Variants in EIF3H observed in about 807,000 individuals in gnomAD.
EIF3H encodes eIF-3-gamma.
EIF3H carries 26 observed loss-of-function variants against 44.2 expected under a neutral mutation model. The observed-to-expected ratio is 0.59, with a 90% CI of 0.43 to 0.82. The LOEUF is 0.82. Among genes scored for constraint, EIF3H ranks in the 40% least tolerant of loss-of-function variants. EIF3H has a pLI of 0.00. For synonymous variants in EIF3H, 166 were observed against 151.9 expected (o/e 1.09, Z -0.68); for missense variants, 359 against 432.8 (o/e 0.83, Z 1.51).
chr8:116,686,062 A>G (rs1437919440), intron 2 of EIF3H, among the ~76,000 whole-genome samples: 2 of 152,176 alleles, frequency 1.3e-5, no homozygotes, highest in African/African-American at 4.8e-5. Context: ...TTAATACAAT[A>G]AACTTTACTG....
chr8:116,682,431 GCAATGTTGTAGA>G (rs1451376546), intron 2 of EIF3H, among the ~76,000 whole-genome samples: 3 of 152,152 alleles, frequency 2.0e-5, no homozygotes, highest in Admixed American at 2.0e-4. Flanking sequence ...TTTTACACAG[GCAATGTTGTAGA>G]CAATGTTGTA....
intron 2 of EIF3H, among the ~76,000 whole-genome samples, chr8:116,719,096 G>A (rs1814701776): frequency 6.6e-6 from 1 of 152,166 alleles, no homozygotes; most frequent in Non-Finnish European, 1.5e-5. Flanking sequence ...CAGGAGGAAT[G>A]AGCCTTAGTT....
chr8:116,648,270 A>G (rs16888615), intron 6 of EIF3H, among the ~76,000 whole-genome samples: 8,321 of 152,264 alleles, frequency 0.055, 770 homozygotes, highest in African/African-American at 0.19. Context: ...TGCAGGCAAC[A>G]TGAATAAAGA....
chr8:116,756,408 T>C (rs1815450428), upstream of EIF3H, among the ~76,000 whole-genome samples: 1 of 152,212 alleles, frequency 6.6e-6, no homozygotes, highest in South Asian at 2.1e-4. Flanking sequence ...ATCTGAGGTA[T>C]TGTTGAAGGA....
At chr8:116,725,699 G>A (rs1202770499) in intron 2 of EIF3H, among the ~76,000 whole-genome samples, 2 of 152,132 alleles carry the variant, frequency 1.3e-5, no homozygotes, top group African/African-American at 2.4e-5. Context: ...AGACACATAA[G>A]GATGATCTTT....
At chr8:116,651,144 T>C (rs528455893) in intron 5 of EIF3H, among the ~76,000 whole-genome samples, 1 of 152,310 alleles carries the variant, frequency 6.6e-6, no homozygotes, top group East Asian at 1.9e-4. Flanking sequence ...GTTTAAATGG[T>C]CAATTTTTTC....
intron 1 of EIF3H, among the ~76,000 whole-genome samples, chr8:116,746,793 G>A (rs1438612692): frequency 6.6e-6 from 1 of 152,140 alleles, no homozygotes; most frequent in Non-Finnish European, 1.5e-5. Flanking sequence ...ATGTCAGACT[G>A]CATAACGAAT....
intron 1 of EIF3H, among the ~76,000 whole-genome samples, chr8:116,727,270 G>A (rs1452517087): frequency 6.6e-6 from 1 of 152,092 alleles, no homozygotes; most frequent in African/African-American, 2.4e-5. Context: ...CGCCAAAGTG[G>A]AAACGAAGCT....
At chr8:116,702,505 G>A (rs1814394550) in intron 2 of EIF3H, among the ~76,000 whole-genome samples, 1 of 152,186 alleles carries the variant, frequency 6.6e-6, no homozygotes, top group Non-Finnish European at 1.5e-5. Flanking sequence ...TTACTCCACA[G>A]AGTGAGATAG....
intron 2 of EIF3H, among the ~76,000 whole-genome samples, chr8:116,725,798 T>C (rs1330549074): frequency 6.6e-6 from 1 of 151,128 alleles, no homozygotes; most frequent in Non-Finnish European, 1.5e-5. Flanking sequence ...CAAATCAGAA[T>C]CACAAATTCC....
At chr8:116,721,329 C>A (rs539926774) in intron 2 of EIF3H, among the ~76,000 whole-genome samples, 31 of 152,318 alleles carry the variant, frequency 2.0e-4, no homozygotes, top group Non-Finnish European at 3.8e-4. Flanking sequence ...TTGGGAACCT[C>A]CGCCTAAATT....
At chr8:116,692,723 A>C (rs1311949248) in intron 2 of EIF3H, among the ~76,000 whole-genome samples, 1 of 152,178 alleles carries the variant, frequency 6.6e-6, no homozygotes, top group African/African-American at 2.4e-5. Context: ...TTATTTTAAA[A>C]GACTGTATTC....
intron 2 of EIF3H, among the ~76,000 whole-genome samples, chr8:116,669,224 TAAAG>T (rs1813714132): frequency 6.6e-6 from 1 of 152,176 alleles, no homozygotes. Flanking sequence ...ACAGATTCAA[TAAAG>T]AAAGAGACAA....
chr8:116,663,947 A>G (rs1813626222), intron 2 of EIF3H, among the ~76,000 whole-genome samples: 1 of 151,914 alleles, frequency 6.6e-6, no homozygotes, highest in Non-Finnish European at 1.5e-5. Flanking sequence ...AAAAAAAAAA[A>G]AAGACAAACT....
chr8:116,736,389 C>T (rs1161283395), intron 1 of EIF3H, among the ~76,000 whole-genome samples: 2 of 152,172 alleles, frequency 1.3e-5, no homozygotes, highest in East Asian at 1.9e-4. Context: ...TTGCCAGGCG[C>T]GGTGGCTCAC....
At chr8:116,677,445 T>C (rs929050479) in intron 2 of EIF3H, among the ~76,000 whole-genome samples, 5 of 152,244 alleles carry the variant, frequency 3.3e-5, no homozygotes, top group African/African-American at 4.8e-5. Context: ...GATCCCCATT[T>C]TTACATGTCC....
intron 2 of EIF3H, among the ~76,000 whole-genome samples, chr8:116,679,361 G>A (rs186798725): frequency 0.1 from 6,738 of 65,260 alleles, 1,302 homozygotes; most frequent in Admixed American, 0.19. Flanking sequence ...TCAGCCCCCC[G>A]CCCGGTCAGC....
chr8:116,691,979 GT>G (rs1257529244), intron 2 of EIF3H, among the ~76,000 whole-genome samples: 1 of 152,012 alleles, frequency 6.6e-6, no homozygotes, highest in African/African-American at 2.4e-5. Flanking sequence ...TGGAACAGAA[GT>G]TTTCTGATAG....
At chr8:116,711,771 T>C (rs1214639072) in intron 2 of EIF3H, among the ~76,000 whole-genome samples, 1 of 152,248 alleles carries the variant, frequency 6.6e-6, no homozygotes, top group Non-Finnish European at 1.5e-5. Context: ...TTTACCTGCA[T>C]ATTAATGTAA....
Sources: allele counts gnomAD v4.1 joint callset (sites outside exome capture counted in the v4.1 genomes callset), GRCh38; gene constraint gnomAD v4.1.1; transcripts MANE v1.5; gene names NCBI Gene and HGNC (gene_info 2026-07-23, HGNC 2026-07-21).